Variants in PPP2R2C observed in about 807,000 individuals in gnomAD.
PPP2R2C encodes protein phosphatase 2 regulatory subunit Bgamma.
In PPP2R2C, 10 loss-of-function variants were observed where a neutral mutation model predicts 45.3. The observed-to-expected ratio is 0.22, with a 90% confidence interval of 0.14 to 0.37. PPP2R2C has a LOEUF of 0.37. Ranked by LOEUF, PPP2R2C falls within the 10% of genes least tolerant of loss-of-function variation. The pLI is 1.00. For missense variants in PPP2R2C, 308 were observed against 619.7 expected (o/e 0.50, Z 5.34); for synonymous variants, 257 against 245.4 (o/e 1.05, Z -0.44).
At chr4:6,517,188 G>C (rs1723852051) in intron 2 of PPP2R2C, among the ~76,000 whole-genome samples, 1 of 152,138 alleles carries the variant, frequency 6.6e-6, no homozygotes, top group Non-Finnish European at 1.5e-5. Context: ...GGGTCTCTGA[G>C]TGAGGGACAG....
At chr4:6,520,024 A>C (rs1560599735) in intron 2 of PPP2R2C, among the ~76,000 whole-genome samples, 1 of 152,228 alleles carries the variant, frequency 6.6e-6, no homozygotes, top group Non-Finnish European at 1.5e-5. Context: ...AGGGGACAGA[A>C]GAGTGACAGG....
chr4:6,445,253 C>G (rs1720360886), intron 1 of PPP2R2C, among the ~76,000 whole-genome samples: 1 of 152,022 alleles, frequency 6.6e-6, no homozygotes, highest in Non-Finnish European at 1.5e-5. Flanking sequence ...TCATTCCTGG[C>G]AGTCTCTGCA....
chr4:6,534,870 G>A (rs1724549642), intron 2 of PPP2R2C, among the ~76,000 whole-genome samples: 3 of 152,222 alleles, frequency 2.0e-5, no homozygotes, highest in African/African-American at 2.4e-5. Flanking sequence ...GTCACTGTCC[G>A]CTTGCCCACT....
chr4:6,422,550 G>A (rs1441991882), intron 1 of PPP2R2C, among the ~76,000 whole-genome samples: 3 of 152,222 alleles, frequency 2.0e-5, no homozygotes, highest in Non-Finnish European at 4.4e-5. Context: ...TCACAGTTCT[G>A]GAGCTGGAAG....
intron 1 of PPP2R2C, among the ~76,000 whole-genome samples, chr4:6,559,395 G>GCACACA (rs58400617): frequency 1.1e-3 from 166 of 144,866 alleles, no homozygotes; most frequent in East Asian, 4.7e-3. Flanking sequence ...AAAATACACA[G>GCACACA]CACACACACA....
intron 1 of PPP2R2C, among the ~76,000 whole-genome samples, chr4:6,403,293 T>C (rs1286762730): frequency 6.6e-6 from 1 of 152,176 alleles, no homozygotes; most frequent in Non-Finnish European, 1.5e-5. Flanking sequence ...GAGACAGAAA[T>C]GCTGGGAGCG....
intron 2 of PPP2R2C, among the ~76,000 whole-genome samples, chr4:6,502,914 G>C (rs1166081291): frequency 6.6e-6 from 1 of 152,014 alleles, no homozygotes; most frequent in Non-Finnish European, 1.5e-5. Context: ...CAGTATCCCA[G>C]ACCCGGCCGC....
chr4:6,423,412 C>T (rs937374745), intron 1 of PPP2R2C, among the ~76,000 whole-genome samples: 4 of 152,200 alleles, frequency 2.6e-5, no homozygotes, highest in Non-Finnish European at 4.4e-5. Flanking sequence ...CCACATTGGC[C>T]AGGCTGGTCT....
chr4:6,347,138 TG>T, intron 6 of PPP2R2C, among the ~76,000 whole-genome samples: 1 of 152,278 alleles, frequency 6.6e-6, no homozygotes, highest in Admixed American at 6.5e-5. Context: ...TGGGTGACCT[TG>T]GGCCAATAAC....
At chr4:6,362,821 A>G (rs999777436) in intron 5 of PPP2R2C, among the ~76,000 whole-genome samples, 3 of 152,172 alleles carry the variant, frequency 2.0e-5, no homozygotes, top group Admixed American at 6.5e-5. Context: ...AGTTAAGTGC[A>G]TGGTTCTGCA....
At chr4:6,455,972 C>T (rs2108751603) in intron 1 of PPP2R2C, among the ~76,000 whole-genome samples, 1 of 149,620 alleles carries the variant, frequency 6.7e-6, no homozygotes, top group East Asian at 1.9e-4. Flanking sequence ...TTATGTCTCC[C>T]TCATTCCAGA....
At position 6,391,547 on chromosome 4, in the gene PPP2R2C, G is replaced by A. The variant is rs987972699; in HGVS notation, c.71-10453C>T. 2.6e-5 allele frequency among the ~76,000 whole-genome samples: 4 copies of A among 152,204 alleles called. No homozygotes were observed. In the East Asian group the frequency reaches 7.7e-4, roughly 29 times the overall value. On this transcript the variant is annotated intron_variant, in intron 1 of 8. Transcript: ENST00000382599. ...TGAGTTACATAAACATTTAAACTGG[G>A]CACAGTATTGATTTGTGTTAAAGGC...
chr4:6,499,487 C>T (rs921467398), intron 2 of PPP2R2C, among the ~76,000 whole-genome samples: 13 of 152,272 alleles, frequency 8.5e-5, no homozygotes, highest in South Asian at 4.1e-4. Flanking sequence ...CAAGACCAGA[C>T]GCTTGGCACC....
intron 8 of PPP2R2C, among the ~76,000 whole-genome samples, chr4:6,327,941 G>T (rs1044758769): frequency 1.9e-4 from 29 of 151,984 alleles, no homozygotes; most frequent in African/African-American, 6.8e-4. Flanking sequence ...GCTTCCAGGG[G>T]GCTCCCTCCT....
intron 8 of PPP2R2C, among the ~76,000 whole-genome samples, chr4:6,325,050 G>C (rs1731835539): frequency 6.6e-6 from 1 of 152,172 alleles, no homozygotes; most frequent in South Asian, 2.1e-4. Context: ...GGGTCTCCAG[G>C]GGTTATGCAC....
intron 1 of PPP2R2C, among the ~76,000 whole-genome samples, chr4:6,454,350 G>T (rs115679839): frequency 6.6e-6 from 1 of 152,132 alleles, no homozygotes; most frequent in Non-Finnish European, 1.5e-5. Flanking sequence ...CTAAATGAAG[G>T]TGACACAATT....
At chr4:6,467,919 G>C (rs1469952824) in intron 1 of PPP2R2C, among the ~76,000 whole-genome samples, 1 of 152,156 alleles carries the variant, frequency 6.6e-6, no homozygotes, top group East Asian at 1.9e-4. Flanking sequence ...CATCACAAGA[G>C]AGGGACCAAC....
At chr4:6,467,299 G>A (rs1721646624) in intron 1 of PPP2R2C, among the ~76,000 whole-genome samples, 1 of 152,116 alleles carries the variant, frequency 6.6e-6, no homozygotes, top group Non-Finnish European at 1.5e-5. Flanking sequence ...TGGAAGTTAG[G>A]CTAGCCAGTC....
At chr4:6,336,603 AC>A (rs1732875162) in intron 6 of PPP2R2C, among the ~76,000 whole-genome samples, 1 of 17,114 alleles carries the variant, frequency 5.8e-5, no homozygotes, top group East Asian at 4.4e-4. Flanking sequence ...AGCCCAGTGC[AC>A]GATGAGTGCT....
Sources: allele counts gnomAD v4.1 joint callset (sites outside exome capture counted in the v4.1 genomes callset), GRCh38; gene constraint gnomAD v4.1.1; transcripts MANE v1.5; gene names NCBI Gene and HGNC (gene_info 2026-07-23, HGNC 2026-07-21).